The following HPSE2 variants were observed in gnomAD, a reference collection of about 807,000 sequenced individuals.
The protein encoded by HPSE2 is heparanase 2 (inactive), also known as inactive heparanase-2.
A neutral mutation model predicts 60.5 loss-of-function variants in HPSE2; 38 were observed. The ratio of observed to expected loss-of-function variants is 0.63; its 90% CI spans 0.48 to 0.82. The LOEUF is 0.82. HPSE2 is among the 40% of genes least tolerant of loss of function. The pLI, the probability that HPSE2 is intolerant of heterozygous loss-of-function variation, is 0.00. For missense variants in HPSE2, 713 were observed against 740.4 expected (o/e 0.96, Z 0.43); for synonymous variants, 295 against 293.2 (o/e 1.01, Z -0.06).
At chr10:98,875,187 C>G (rs1952841292) in intron 3 of HPSE2, among the ~76,000 whole-genome samples, 1 of 151,962 alleles carries the variant, frequency 6.6e-6, no homozygotes, top group African/African-American at 2.4e-5. Context: ...CAGAGCAGAA[C>G]TGAAGGAGAT....
intron 2 of HPSE2, among the ~76,000 whole-genome samples, chr10:99,211,087 A>G (rs1407346878): frequency 6.6e-6 from 1 of 152,170 alleles, no homozygotes; most frequent in African/African-American, 2.4e-5. Context: ...AAATCAACAT[A>G]CAAAACTCAC....
intron 3 of HPSE2, among the ~76,000 whole-genome samples, chr10:99,088,634 T>C (rs939710619): frequency 6.6e-6 from 1 of 152,230 alleles, no homozygotes; most frequent in African/African-American, 2.4e-5. Context: ...TTCCACATTT[T>C]TGCAACTGTG....
At chr10:98,858,306 G>T (rs1296223461) in intron 3 of HPSE2, among the ~76,000 whole-genome samples, 2 of 152,146 alleles carry the variant, frequency 1.3e-5, no homozygotes, top group African/African-American at 4.8e-5. Flanking sequence ...AATAGAATAC[G>T]TGTTGGCAAT....
chr10:98,993,257 G>A (rs982304944), intron 3 of HPSE2, among the ~76,000 whole-genome samples: 8 of 152,176 alleles, frequency 5.3e-5, no homozygotes, highest in East Asian at 1.9e-4. Context: ...AGAGGGCTAC[G>A]GCATCTGAGC....
intron 9 of HPSE2, among the ~76,000 whole-genome samples, chr10:98,494,412 A>C (rs1030857180): frequency 7.9e-5 from 12 of 152,234 alleles, no homozygotes; most frequent in Non-Finnish European, 1.0e-4. Context: ...ATGCTGAGAA[A>C]GATAAAAACA....
At chr10:99,030,536 T>C (rs1957476319) in intron 3 of HPSE2, among the ~76,000 whole-genome samples, 2 of 152,194 alleles carry the variant, frequency 1.3e-5, no homozygotes, top group African/African-American at 2.4e-5. Context: ...TTGTACCCTA[T>C]TGGTGGAAAT....
chr10:98,825,531 C>T (rs533213973), intron 3 of HPSE2, among the ~76,000 whole-genome samples: 1 of 150,374 alleles, frequency 6.7e-6, no homozygotes, highest in African/African-American at 2.5e-5. Flanking sequence ...AATTCCTTTT[C>T]CTCCTTTGCT....
chr10:98,824,430 T>C (rs2134626618), intron 3 of HPSE2, among the ~76,000 whole-genome samples: 1 of 152,338 alleles, frequency 6.6e-6, no homozygotes, highest in South Asian at 2.1e-4. Flanking sequence ...CTAACATAAC[T>C]CAGAAAAATT....
intron 2 of HPSE2, among the ~76,000 whole-genome samples, chr10:99,232,091 C>T (rs978975967): frequency 6.6e-6 from 1 of 152,120 alleles, no homozygotes. Context: ...TGGAGAACCC[C>T]CTTTGCGCAA....
intron 2 of HPSE2, among the ~76,000 whole-genome samples, chr10:99,147,164 A>C (rs1320248778): frequency 1.3e-5 from 2 of 152,294 alleles, no homozygotes; most frequent in Non-Finnish European, 2.9e-5. Context: ...AAGTTCACAA[A>C]ACCTGGTCAG....
At chr10:99,033,295 C>CA (rs1049355178) in intron 3 of HPSE2, among the ~76,000 whole-genome samples, 1 of 151,616 alleles carries the variant, frequency 6.6e-6, no homozygotes, top group Non-Finnish European at 1.5e-5. Context: ...AATTTTTCTT[C>CA]AAAAAAATTA....
chr10:98,490,989 C>G (rs1941624217), intron 9 of HPSE2, among the ~76,000 whole-genome samples: 1 of 152,138 alleles, frequency 6.6e-6, no homozygotes, highest in African/African-American at 2.4e-5. Flanking sequence ...ATTTACATTT[C>G]TGTTATGCAA....
At chr10:98,854,061 A>G (rs1407413700) in intron 3 of HPSE2, among the ~76,000 whole-genome samples, 1 of 152,192 alleles carries the variant, frequency 6.6e-6, no homozygotes, top group Non-Finnish European at 1.5e-5. Context: ...ACAACAAAAA[A>G]GTTGCCTCTT....
At chr10:98,687,145 G>A (rs1832230) in intron 6 of HPSE2, among the ~76,000 whole-genome samples, 1,662 of 152,184 alleles carry the variant, frequency 0.011, 25 homozygotes, top group African/African-American at 0.037. Flanking sequence ...ATCACAAACA[G>A]TAGCTTAAAG....
chr10:98,555,497 G>T (rs1263719609), intron 9 of HPSE2, among the ~76,000 whole-genome samples: 1 of 152,132 alleles, frequency 6.6e-6, no homozygotes, highest in Admixed American at 6.5e-5. Flanking sequence ...GTATACTTTG[G>T]CACAGTCTGG....
At chr10:98,911,952 CATAAA>C (rs984769647) in intron 3 of HPSE2, among the ~76,000 whole-genome samples, 8 of 152,058 alleles carry the variant, frequency 5.3e-5, no homozygotes, top group African/African-American at 1.9e-4. Context: ...TTTCCTCTTC[CATAAA>C]ATAAAAATAA....
chr10:98,457,821 A>C lies in HPSE2; in HGVS notation c.*1753T>G, dbSNP rs1415729423. 6.6e-6 allele frequency: 1 copy of C among 152,002 alleles called. No homozygotes were observed. Among genetic ancestry groups the C allele is most frequent in the East Asian group, 1.9e-4 (1 of 5,136 alleles). The allele number at this position is 152,002 out of a possible 1,614,324, so 9.4% of individuals were successfully genotyped here. On this transcript the variant is annotated 3_prime_UTR_variant, in exon 12 of 12. Transcript: ENST00000370552. Reference sequence around the variant, plus strand: ...CTGGGCAGCCTTGCAGGGCGGTCTCAGGGTCTGCCCCTCTCTCTCCAGTTG... The same window carrying C: ...CTGGGCAGCCTTGCAGGGCGGTCTCCGGGTCTGCCCCTCTCTCTCCAGTTG...
At position 98,916,937 on chromosome 10, in the gene HPSE2, C is replaced by T. The variant is rs7100405; in HGVS notation, c.611-172881G>A. Among the ~76,000 whole-genome samples the T allele has an allele frequency of 9.5e-3, 1,452 of 152,212 alleles. 30 individuals are homozygous for T. Among genetic ancestry groups the T allele is most frequent in the African/African-American group, 0.033 (1,364 of 41,512 alleles). On this transcript the variant is annotated intron_variant, in intron 3 of 11. Transcript: ENST00000370552. ...CTTCAGAACCATTTGTTTACCATGC[C>T]TCCTACTGGGAGGAAATGAGGCTGC...
At chr10:98,980,731 T>C (rs778106265) in intron 3 of HPSE2, among the ~76,000 whole-genome samples, 11 of 152,184 alleles carry the variant, frequency 7.2e-5, no homozygotes, top group Non-Finnish European at 1.3e-4. Flanking sequence ...GACTCAAATA[T>C]GGAAGTATGG....
Sources: allele counts gnomAD v4.1 joint callset (sites outside exome capture counted in the v4.1 genomes callset), GRCh38; gene constraint gnomAD v4.1.1; transcripts MANE v1.5; gene names NCBI Gene and HGNC (gene_info 2026-07-23, HGNC 2026-07-21).